Variants in SETD5 observed in about 807,000 individuals in gnomAD.
SETD5 encodes SET domain containing 5, also known as histone-lysine N-methyltransferase SETD5.
Under a neutral mutation model 153.3 loss-of-function variants are expected in SETD5, and 44 were observed. The ratio of observed to expected loss-of-function variants is 0.29; its 90% CI spans 0.23 to 0.37. The LOEUF is 0.37. Among genes scored for constraint, SETD5 ranks in the 10% least tolerant of loss-of-function variants. The pLI is 1.00. For synonymous variants in SETD5, 716 were observed against 645.2 expected (o/e 1.11, Z -1.66); for missense variants, 1,544 against 1,768.0 (o/e 0.87, Z 2.27).
At chr3:9,403,148 C>A (rs1435975475) in intron 1 of SETD5, among the ~76,000 whole-genome samples, 2 of 152,124 alleles carry the variant, frequency 1.3e-5, no homozygotes, top group African/African-American at 4.8e-5. Context: ...TTAAAGAAAT[C>A]ATTTTTAGTT....
chr3:9,438,679 C>T lies in SETD5; in HGVS notation c.568-1777C>T, dbSNP rs2040892666. Among the ~76,000 whole-genome samples, 5 of 152,180 alleles carry T rather than the reference C, an allele frequency of 3.3e-5. 1 individual carries two copies. Among genetic ancestry groups the T allele is most frequent in the Admixed American group, 3.3e-4 (5 of 15,280 alleles). ...TCATTTGGATTTTTAATCCCAGTGTCAAGAGCAGCTTCCCTACTGAAGACT... is the reference window on the plus strand; with the variant it reads ...TCATTTGGATTTTTAATCCCAGTGTTAAGAGCAGCTTCCCTACTGAAGACT... On this transcript the variant is annotated intron_variant, in intron 7 of 22. Transcript: ENST00000402198.
chr3:9,476,243 C>A lies in SETD5; in HGVS notation c.*152C>A. Reference sequence around the variant, plus strand: ...GTGGACAAGAAACAAGACTTGTGGTCACAATTGGCCTCTGGCCTTGGAGAA... The same window carrying A: ...GTGGACAAGAAACAAGACTTGTGGTAACAATTGGCCTCTGGCCTTGGAGAA... On this transcript the variant is annotated 3_prime_UTR_variant, in exon 23 of 23. Coordinates refer to ENST00000402198, the MANE Select transcript of SETD5 (RefSeq NM_001080517.3). 1 of 1,075,666 alleles carries A rather than the reference C, an allele frequency of 9.3e-7. No individual in the cohort carries two copies. The highest frequency in any genetic ancestry group is 1.3e-6 in the Non-Finnish European group (1 of 770,544). The allele number at this position is 1,075,666 out of a possible 1,614,324, so 66.6% of individuals were successfully genotyped here.
intron 1 of SETD5, among the ~76,000 whole-genome samples, chr3:9,404,680 C>T (rs2035379407): frequency 1.3e-5 from 2 of 152,158 alleles, no homozygotes; most frequent in Admixed American, 1.3e-4. Context: ...ATCCTTTACA[C>T]CCTCCCCCTT....
Position 9,460,395 on chromosome 3 carries a change from C to T in SETD5, c.2477-4030C>T, listed in dbSNP as rs188447696. Among the ~76,000 whole-genome samples the T allele has an allele frequency of 2.6e-5, 4 of 150,970 alleles. No homozygotes were observed. In the East Asian group the frequency reaches 7.8e-4, roughly 29 times the overall value. ...CTGGGTAAGAATGCTTCTCAAATTA[C>T]TCCTGAATTTCATCTAACACCAATC... On this transcript the variant is annotated intron_variant, in intron 17 of 22. Coordinates refer to ENST00000402198, the MANE Select transcript of SETD5 (RefSeq NM_001080517.3).
chr3:9,443,063 A>AT, intron 10 of SETD5: 1 of 370,092 alleles, frequency 2.7e-6, no homozygotes, highest in Non-Finnish European at 5.1e-6. Flanking sequence ...GAAAGTAGAG[A>AT]TTTTACCCTG....
In SETD5 at chr3:9,410,123, G is replaced by A. The variant is rs1016686278; in HGVS notation, c.-177+12146G>A. Among the ~76,000 whole-genome samples the A allele has an allele frequency of 5.3e-5, 8 of 152,170 alleles. No homozygotes were observed. In the South Asian group the frequency reaches 1.7e-3, roughly 31 times the overall value. On this transcript the variant is annotated intron_variant, in intron 1 of 22. Coordinates refer to ENST00000402198, the MANE Select transcript of SETD5 (RefSeq NM_001080517.3). ...AGAATGTACTAACATAAACCTAGAT[G>A]GTACACCTAAGCTATATGGTATAGC...
chr3:9,445,527 A>G, intron 12 of SETD5, 130 bp from the exon 13 acceptor site: 1 of 893,882 alleles, frequency 1.1e-6, no homozygotes, highest in Non-Finnish European at 1.7e-6. Flanking sequence ...TGTGTTTACC[A>G]TGTGGCCTCA....
chr3:9,474,623 C>T, intron 21 of SETD5, 41 bp downstream of exon 21: 1 of 1,609,180 alleles, frequency 6.2e-7, no homozygotes, highest in South Asian at 1.1e-5. Flanking sequence ...TTCAGGGACA[C>T]ATGAGCCGAG....
chr3:9,454,977 A>C (rs759711865), intron 17 of SETD5, among the ~76,000 whole-genome samples: 12 of 152,122 alleles, frequency 7.9e-5, no homozygotes, highest in Non-Finnish European at 1.5e-4. Flanking sequence ...TTTCATAAAA[A>C]ACCCACTTCA....
At chr3:9,401,237 A>G (rs2034722382) in intron 1 of SETD5, among the ~76,000 whole-genome samples, 1 of 152,236 alleles carries the variant, frequency 6.6e-6, no homozygotes, top group Non-Finnish European at 1.5e-5. Context: ...ATAAGATGCA[A>G]TAGCAGATAA....
intron 21 of SETD5, 199 bp from the exon 22 acceptor site, chr3:9,474,869 G>A (rs949059016): frequency 1.6e-5 from 10 of 620,952 alleles, no homozygotes; most frequent in South Asian, 6.4e-5. Context: ...GAAAGAAGAC[G>A]GGAATCACAT....
intron 19 of SETD5, among the ~76,000 whole-genome samples, chr3:9,471,712 G>C (rs2045322626): frequency 6.6e-6 from 1 of 152,202 alleles, no homozygotes; most frequent in Admixed American, 6.5e-5. Flanking sequence ...TTTTGTATAA[G>C]TGGTTCTCAA....
chr3:9,475,020 T>C (rs979358454), intron 21 of SETD5, 48 bp from the exon 22 acceptor site: 89 of 1,502,412 alleles, frequency 5.9e-5, no homozygotes, highest in Non-Finnish European at 7.8e-5. Flanking sequence ...CTTTCTTACT[T>C]ATTCTAAGAA....
chr3:9,471,747 G>C (rs2045325925), intron 19 of SETD5, among the ~76,000 whole-genome samples: 1 of 152,208 alleles, frequency 6.6e-6, no homozygotes, highest in Non-Finnish European at 1.5e-5. Flanking sequence ...GAATGAGTAG[G>C]AGTGTTTTGA....
chr3:9,455,081 C>G (rs570607690), intron 17 of SETD5, among the ~76,000 whole-genome samples: 1 of 150,414 alleles, frequency 6.6e-6, no homozygotes, highest in Non-Finnish European at 1.5e-5. Flanking sequence ...AAAATCAGAA[C>G]TTTTCTTAAA....
chr3:9,407,768 A>C (rs1263352986), intron 1 of SETD5, among the ~76,000 whole-genome samples: 4 of 152,150 alleles, frequency 2.6e-5, no homozygotes, highest in Admixed American at 6.5e-5. Context: ...TGGGATGCCA[A>C]GGTGGGCAGA....
At position 9,447,992 on chromosome 3, in the gene SETD5, C is replaced by A. The variant is rs1239182101; in HGVS notation, c.2089C>A (p.Pro697Thr). 6.2e-7 allele frequency: 1 copy of A among 1,611,566 alleles called. No homozygotes were observed. Among genetic ancestry groups the A allele is most frequent in the Admixed American group, 1.7e-5 (1 of 59,732 alleles). The change falls in exon 15 of 23, where the codon CCC (proline) becomes ACC (threonine). Residue 697 changes from proline to threonine, a missense_variant. This residue lies in a region of SETD5 where 782 missense variants were observed against 787.2 expected (regional missense o/e 0.99). Coordinates refer to ENST00000402198, the MANE Select transcript of SETD5 (RefSeq NM_001080517.3). ...SHVNRAASKY[P>T]KTKKYLVTEW... Reference sequence around the variant, plus strand: ...TGTCAACCGTGCTGCATCTAAATACCCCAAAACCAAAAAGGTAAGTCACAA... The same window carrying A: ...TGTCAACCGTGCTGCATCTAAATACACCAAAACCAAAAAGGTAAGTCACAA...
chr3:9,430,317 T>G (rs571138807), intron 3 of SETD5: 1 of 983,164 alleles, frequency 1.0e-6, no homozygotes, highest in African/African-American at 1.7e-5. Context: ...TATAATATTC[T>G]GGGGTAGTCT....
chr3:9,455,172 T>TTTTC lies in SETD5; in HGVS notation c.2476+1307_2476+1308insCTTT, dbSNP rs1253545670. Reference sequence around the variant, plus strand: ...ATTGCCTTTTTTTCTTTTTTTCTTTTTTTTTTTTTTTTTTTTTTGAAATGG... The same window carrying TTTTC: ...ATTGCCTTTTTTTCTTTTTTTCTTTTTTTCTTTTTTTTTTTTTTTTTTGAAATGG... On this transcript the variant is annotated intron_variant, in intron 17 of 22. Coordinates refer to ENST00000402198, the MANE Select transcript of SETD5 (RefSeq NM_001080517.3). Among the ~76,000 whole-genome samples the TTTTC allele has an allele frequency of 2.2e-4, 28 of 124,446 alleles. No homozygotes were observed. The South Asian group carries it at 6.6e-3, about 29-fold the overall frequency. The allele number at this position is 124,446 out of a possible 152,430, so 81.6% of individuals were successfully genotyped here.
Sources: allele counts gnomAD v4.1 joint callset (sites outside exome capture counted in the v4.1 genomes callset), GRCh38; gene constraint gnomAD v4.1.1; regional missense constraint gnomAD v4.1.1; transcripts MANE v1.5; gene names NCBI Gene and HGNC (gene_info 2026-07-23, HGNC 2026-07-21).